MACROD2: variants seen among roughly 807,000 people sequenced by gnomAD.
The protein encoded by MACROD2 is ADP-ribose glycohydrolase MACROD2.
MACROD2 carries 36 observed loss-of-function variants against 70.4 expected under a neutral mutation model. The ratio of observed to expected loss-of-function variants is 0.51; its 90% CI spans 0.39 to 0.68. The LOEUF (loss-of-function observed/expected upper bound fraction) is 0.68, where lower values mean the gene tolerates loss of function less well. Ranked by LOEUF, MACROD2 falls within the 30% of genes least tolerant of loss-of-function variation. MACROD2 has a pLI of 0.00. For synonymous variants in MACROD2, 172 were observed against 178.8 expected (o/e 0.96, Z 0.30); for missense variants, 496 against 538.4 (o/e 0.92, Z 0.78).
chr20:16,037,624 T>G (rs963847057), intron 15 of MACROD2, among the ~76,000 whole-genome samples: 2 of 152,012 alleles, frequency 1.3e-5, no homozygotes, highest in East Asian at 1.9e-4. Context: ...ATTTTACTAG[T>G]GAAAAAGCCA....
intron 3 of MACROD2, among the ~76,000 whole-genome samples, chr20:14,412,919 C>G (rs1423541512): frequency 2.0e-5 from 3 of 152,172 alleles, no homozygotes; most frequent in Non-Finnish European, 2.9e-5. Context: ...ATGTGCATAG[C>G]ACACCCCTTT....
In MACROD2 at chr20:15,937,547, A is replaced by G. The variant is rs756167300; in HGVS notation, c.907+3A>G. ...AGTTGAAGACTGTAAAGATGAAGGTATGAGGCTACTAACTATATCTAATAA... is the reference window on the plus strand; with the variant it reads ...AGTTGAAGACTGTAAAGATGAAGGTGTGAGGCTACTAACTATATCTAATAA... On this transcript the variant is annotated splice_donor_region_variant and intron_variant, in intron 12 of 17. Coordinates refer to ENST00000684519, the MANE Select transcript of MACROD2 (RefSeq NM_001351661.2). The G allele has an allele frequency of 6.2e-6, 10 of 1,612,406 alleles. No individual in the cohort carries two copies. The East Asian group carries it at 1.8e-4, about 29-fold the overall frequency.
At chr20:14,863,119 G>A (rs1381067286) in intron 5 of MACROD2, among the ~76,000 whole-genome samples, 1 of 151,882 alleles carries the variant, frequency 6.6e-6, no homozygotes, top group Admixed American at 6.6e-5. Flanking sequence ...AATCACCCAC[G>A]GGTTCTTTCA....
intron 4 of MACROD2, among the ~76,000 whole-genome samples, chr20:14,500,944 C>G (rs1410901999): frequency 1.3e-5 from 2 of 151,952 alleles, no homozygotes. Flanking sequence ...ATTACTGTCT[C>G]TCATCCCGGA....
intron 4 of MACROD2, among the ~76,000 whole-genome samples, chr20:14,633,764 A>G (rs1249895964): frequency 6.6e-6 from 1 of 152,074 alleles, no homozygotes; most frequent in African/African-American, 2.4e-5. Flanking sequence ...TTAAAACATC[A>G]CCAGACACAT....
At chr20:15,229,744 T>G (rs1279571216) in intron 5 of MACROD2, among the ~76,000 whole-genome samples, 196 bp from the exon 6 acceptor site, 1 of 152,224 alleles carries the variant, frequency 6.6e-6, no homozygotes, top group African/African-American at 2.4e-5. Context: ...ATCATTTTCC[T>G]GGGAAATTGC....
intron 6 of MACROD2, among the ~76,000 whole-genome samples, chr20:15,245,564 T>G (rs138865107): frequency 6.6e-6 from 1 of 152,302 alleles, no homozygotes; most frequent in African/African-American, 2.4e-5. Context: ...ACTTATGATT[T>G]TTTAGTTTTA....
chr20:15,983,649 C>CT (rs1361064814), intron 13 of MACROD2, among the ~76,000 whole-genome samples: 2 of 152,166 alleles, frequency 1.3e-5, no homozygotes, highest in African/African-American at 4.8e-5. Flanking sequence ...TTTATTACTC[C>CT]AGGCTGTAGA....
intron 5 of MACROD2, among the ~76,000 whole-genome samples, chr20:14,743,410 G>A (rs2071759457): frequency 6.6e-6 from 1 of 151,982 alleles, no homozygotes; most frequent in Admixed American, 6.5e-5. Context: ...ACCTTGCTGT[G>A]ATTTAATCAG....
At chr20:15,160,933 T>C (rs1197744240) in intron 5 of MACROD2, among the ~76,000 whole-genome samples, 1 of 151,836 alleles carries the variant, frequency 6.6e-6, no homozygotes, top group African/African-American at 2.4e-5. Flanking sequence ...ACTAGAGAGA[T>C]AGAAGTTTTG....
chr20:14,031,146 C>T (rs778144382), intron 2 of MACROD2, among the ~76,000 whole-genome samples: 2 of 152,166 alleles, frequency 1.3e-5, no homozygotes, highest in Non-Finnish European at 2.9e-5. Flanking sequence ...CTAAATATGA[C>T]TCTTTAATGT....
chr20:14,977,137 G>A (rs1336040531), intron 5 of MACROD2, among the ~76,000 whole-genome samples: 1 of 151,968 alleles, frequency 6.6e-6, no homozygotes, highest in Non-Finnish European at 1.5e-5. Flanking sequence ...CATGAAGTCA[G>A]AACTGACATT....
chr20:16,021,961 T>C (rs2067006931), intron 15 of MACROD2, among the ~76,000 whole-genome samples: 1 of 152,168 alleles, frequency 6.6e-6, no homozygotes, highest in South Asian at 2.1e-4. Context: ...TTTCCAGAAA[T>C]TCTGTCCAGA....
chr20:14,685,882 A>C (rs1306073867), intron 5 of MACROD2, among the ~76,000 whole-genome samples: 1 of 152,142 alleles, frequency 6.6e-6, no homozygotes, highest in Non-Finnish European at 1.5e-5. Flanking sequence ...AACCTATAGG[A>C]TACTATGGGT....
At chr20:14,795,238 A>T (rs1426532751) in intron 5 of MACROD2, among the ~76,000 whole-genome samples, 4 of 152,090 alleles carry the variant, frequency 2.6e-5, no homozygotes, top group East Asian at 1.9e-4. Context: ...ATGAAAGCTG[A>T]TTTATAGTTT....
At chr20:14,271,236 G>GCACCCCC (rs2082192534) in intron 3 of MACROD2, among the ~76,000 whole-genome samples, 1 of 152,146 alleles carries the variant, frequency 6.6e-6, no homozygotes, top group Non-Finnish European at 1.5e-5. Context: ...TAACTGGGAG[G>GCACCCCC]CACCCCCCAG....
chr20:15,729,944 T>C (rs1420048230), intron 8 of MACROD2, among the ~76,000 whole-genome samples: 19 of 150,700 alleles, frequency 1.3e-4, no homozygotes. Context: ...TTCTCTTGAC[T>C]CAGCCTCCTG....
chr20:14,719,579 C>G (rs868815754), intron 5 of MACROD2, among the ~76,000 whole-genome samples: 137 of 151,914 alleles, frequency 9.0e-4, no homozygotes, highest in African/African-American at 3.2e-3. Context: ...TTATGAGATG[C>G]TCATACTCAT....
chr20:15,920,916 C>T (rs2065394642), intron 10 of MACROD2, among the ~76,000 whole-genome samples: 1 of 152,214 alleles, frequency 6.6e-6, no homozygotes, highest in African/African-American at 2.4e-5. Flanking sequence ...CTCCGTCCAA[C>T]CACTCACCAA....
Sources: allele counts gnomAD v4.1 joint callset (sites outside exome capture counted in the v4.1 genomes callset), GRCh38; gene constraint gnomAD v4.1.1; transcripts MANE v1.5; gene names NCBI Gene and HGNC (gene_info 2026-07-23, HGNC 2026-07-21).